The following MYO16 variants were observed in gnomAD, a reference collection of about 807,000 sequenced individuals.
MYO16 encodes the protein unconventional myosin-XVI.
MYO16 carries 94 observed loss-of-function variants against 205.3 expected under a neutral mutation model. The observed-to-expected ratio is 0.46, with a 90% confidence interval of 0.39 to 0.54. The LOEUF (loss-of-function observed/expected upper bound fraction) is 0.54. Ranked by LOEUF, MYO16 falls within the 20% of genes least tolerant of loss-of-function variation. MYO16 has a pLI of 0.00. For missense variants in MYO16, 2,315 were observed against 2,387.5 expected, an observed-to-expected ratio of 0.97 and a Z score of 0.63; for synonymous variants, 988 against 954.0, an observed-to-expected ratio of 1.04 and a Z score of -0.66.
chr13:108,541,607 T>C, the MYO16 span, among the ~76,000 whole-genome samples: 4 of 152,046 alleles, frequency 2.6e-5, no homozygotes, highest in Non-Finnish European at 4.4e-5. Flanking sequence ...GTTTTCATTA[T>C]ACTGAAAATT....
At chr13:108,799,547 T>C (rs1295688851) in intron 6 of MYO16, among the ~76,000 whole-genome samples, 1 of 152,244 alleles carries the variant, frequency 6.6e-6, no homozygotes, top group Non-Finnish European at 1.5e-5. Context: ...CTTTTATTGA[T>C]GATGACATCA....
chr13:108,825,787 G>A (rs1405799882), intron 9 of MYO16, among the ~76,000 whole-genome samples: 1 of 151,662 alleles, frequency 6.6e-6, no homozygotes, highest in African/African-American at 2.4e-5. Flanking sequence ...TCTATACACA[G>A]CAATTCATAA....
intron 12 of MYO16, among the ~76,000 whole-genome samples, chr13:108,877,632 A>T (rs196146): frequency 1 from 151,905 of 152,376 alleles, 75,718 homozygotes; most frequent in Middle Eastern, 1. Flanking sequence ...GAGCTTTCCA[A>T]CCTTTCTCAT....
chr13:109,096,112 A>G (rs903832043), intron 27 of MYO16, among the ~76,000 whole-genome samples: 1 of 152,144 alleles, frequency 6.6e-6, no homozygotes, highest in Admixed American at 6.5e-5. Context: ...AAGTACTACA[A>G]ACTCCATGGC....
At chr13:108,574,566 A>G in the MYO16 span, among the ~76,000 whole-genome samples, 1 of 152,148 alleles carries the variant, frequency 6.6e-6, no homozygotes. Context: ...GCTTCAACTC[A>G]GTAACTTAAA....
intron 4 of MYO16, among the ~76,000 whole-genome samples, chr13:108,753,436 T>G (rs1253302589): frequency 6.6e-6 from 1 of 151,664 alleles, no homozygotes; most frequent in African/African-American, 2.4e-5. Context: ...ATTATATGTT[T>G]TTTGTATTCG....
At chr13:109,204,660 C>T (rs1024686169) in intron 34 of MYO16, among the ~76,000 whole-genome samples, 15 of 152,220 alleles carry the variant, frequency 9.9e-5, no homozygotes, top group African/African-American at 3.6e-4. Flanking sequence ...TACTCATGTC[C>T]TTAGCCCACT....
chr13:108,505,480 G>C, the MYO16 span, among the ~76,000 whole-genome samples: 1 of 152,162 alleles, frequency 6.6e-6, no homozygotes, highest in Non-Finnish European at 1.5e-5. Flanking sequence ...CTTCTTTAGA[G>C]AAAGGTTATG....
intron 4 of MYO16, among the ~76,000 whole-genome samples, chr13:108,743,782 A>G (rs1446436702): frequency 9.2e-5 from 14 of 152,350 alleles, no homozygotes; most frequent in Admixed American, 6.5e-5. Context: ...TGTCATAGCT[A>G]AACATTTCGT....
At chr13:109,024,736 A>G (rs1199749244) in intron 23 of MYO16, among the ~76,000 whole-genome samples, 1 of 152,104 alleles carries the variant, frequency 6.6e-6, no homozygotes, top group Admixed American at 6.6e-5. Flanking sequence ...TTTTATAAAA[A>G]TCTTTTATTG....
At position 108,866,232 on chromosome 13, in the gene MYO16, A is replaced by G. The variant is rs746433840; in HGVS notation, c.1415A>G (p.Tyr472Cys). 8.8e-6 allele frequency: 14 copies of G among 1,594,062 alleles called. No homozygotes were observed. Among genetic ancestry groups the G allele is most frequent in the African/African-American group, 1.3e-5 (1 of 74,536 alleles). Reference protein sequence around the residue: ...LVNPYKELPIYSSMVSQLYFS... With the variant: ...LVNPYKELPICSSMVSQLYFS... ...AACCCATACAAGGAGCTTCCAATTT[A>G]TTCTTCCATGGTGAGCACAAAATTT... Residue 472 changes from tyrosine (Y) to cysteine (C), a missense_variant, in exon 12 of 35, where the codon TAT (tyrosine) becomes TGT (cysteine). Tyr to Cys is a radical substitution (Grantham distance 194, BLOSUM62 -2). Transcript: ENST00000457511.
the MYO16 span, among the ~76,000 whole-genome samples, chr13:108,583,443 TG>T: frequency 6.6e-6 from 1 of 152,196 alleles, no homozygotes; most frequent in African/African-American, 2.4e-5. Flanking sequence ...AATATGCTTT[TG>T]GGTTGCTAAC....
intron 9 of MYO16, 115 bp downstream of exon 9, chr13:108,823,393 C>CCAAAG (rs1876088860): frequency 1.1e-6 from 1 of 905,746 alleles, no homozygotes; most frequent in Non-Finnish European, 1.6e-6. Context: ...AATGGTTTAT[C>CCAAAG]AATGTATATA....
Position 108,897,999 on chromosome 13 carries a change from G to A in MYO16, c.1660-17G>A, listed in dbSNP as rs1256751911. 5.8e-6 allele frequency: 9 copies of A among 1,562,000 alleles called. No homozygotes were observed. In the Admixed American group the frequency reaches 6.7e-5, roughly 12 times the overall value. ...TAAAATATGAGCAGTTCAGTAAAATGTTCTCCTCTCCCACAGGTCGTGTGC... is the reference window on the plus strand; with the variant it reads ...TAAAATATGAGCAGTTCAGTAAAATATTCTCCTCTCCCACAGGTCGTGTGC... On this transcript the variant is annotated splice_polypyrimidine_tract_variant and intron_variant, in intron 14 of 34. Coordinates refer to ENST00000457511, the MANE Select transcript of MYO16 (RefSeq NM_001198950.3).
the MYO16 span, among the ~76,000 whole-genome samples, chr13:108,541,077 C>G: frequency 1.3e-5 from 2 of 151,966 alleles, no homozygotes; most frequent in African/African-American, 2.4e-5. Context: ...GCAGGAAGAC[C>G]ACAACAGTTT....
At chr13:108,947,964 A>G (rs1475749074) in intron 16 of MYO16, among the ~76,000 whole-genome samples, 5 of 152,200 alleles carry the variant, frequency 3.3e-5, no homozygotes, top group Non-Finnish European at 7.3e-5. Context: ...TTTCCAAACA[A>G]AACAGTTTGT....
intron 34 of MYO16, among the ~76,000 whole-genome samples, chr13:109,203,703 C>T (rs904022753): frequency 6.6e-6 from 1 of 152,184 alleles, no homozygotes; most frequent in African/African-American, 2.4e-5. Context: ...CACACACTTT[C>T]AAAATCCAGA....
At chr13:108,748,235 A>C (rs1885125289) in intron 4 of MYO16, among the ~76,000 whole-genome samples, 1 of 152,152 alleles carries the variant, frequency 6.6e-6, no homozygotes, top group South Asian at 2.1e-4. Context: ...TTTGGAGATT[A>C]AACAGCACAC....
chr13:108,682,528 A>G (rs1265442500), intron 2 of MYO16, among the ~76,000 whole-genome samples: 1 of 152,018 alleles, frequency 6.6e-6, no homozygotes, highest in Admixed American at 6.5e-5. Context: ...AACCATATAT[A>G]CTAGTATATG....
Sources: gnomAD v4.1 joint callset for allele counts (sites outside exome capture counted in the v4.1 genomes callset) on GRCh38, gnomAD v4.1.1 for gene constraint, MANE v1.5 for transcripts, NCBI Gene and HGNC (gene_info 2026-07-23, HGNC 2026-07-21) for gene names.